FSD2: variants seen among roughly 807,000 people sequenced by gnomAD.
FSD2 encodes fibronectin type III and SPRY domain-containing protein 2.
A neutral mutation model predicts 80.4 loss-of-function variants in FSD2; 71 were observed. That is an observed-to-expected ratio of 0.88 (90% CI 0.73 to 1.08). The LOEUF is 1.08. FSD2 is among the 50% of genes least tolerant of loss of function. FSD2 has a pLI of 0.00. For synonymous variants in FSD2, 361 were observed against 329.5 expected, an observed-to-expected ratio of 1.10 and a Z score of -1.03; for missense variants, 923 against 913.8, an observed-to-expected ratio of 1.01 and a Z score of -0.13.
At chr15:82,795,271 T>C (rs11259949) in intron 1 of FSD2, among the ~76,000 whole-genome samples, 74,265 of 151,976 alleles carry the variant, frequency 0.49, 18,207 homozygotes, top group Admixed American at 0.52. Flanking sequence ...TTATGAGAAG[T>C]TTCCTAAGAA....
chr15:82,769,951 G>T (rs142759740), intron 7 of FSD2, 67 bp from the exon 8 acceptor site: 7 of 1,575,618 alleles, frequency 4.4e-6, no homozygotes, highest in Non-Finnish European at 6.1e-6. Flanking sequence ...TCATTATGCC[G>T]AATCCCACAG....
rs2050288584 is a variant in FSD2, at chr15:82,797,013, T to C, written c.-79+8953A>G. On this transcript the variant is annotated intron_variant, in intron 1 of 12. Coordinates refer to ENST00000334574, the MANE Select transcript of FSD2 (RefSeq NM_001007122.4). ...CATTGCACTGTAAGATTTCATTGCTTGGTAATTAAAAAAAAAAAAAAAAAA... is the reference window on the plus strand; with the variant it reads ...CATTGCACTGTAAGATTTCATTGCTCGGTAATTAAAAAAAAAAAAAAAAAA... Among the ~76,000 whole-genome samples, 3 of 115,820 alleles carry C rather than the reference T, an allele frequency of 2.6e-5. No individual in the cohort carries two copies. The Admixed American group carries it at 3.1e-4, about 12-fold the overall frequency. The allele number at this position is 115,820 out of a possible 152,430, so 76.0% of individuals were successfully genotyped here.
chr15:82,795,891 G>A (rs1310856656), intron 1 of FSD2, among the ~76,000 whole-genome samples: 1 of 151,742 alleles, frequency 6.6e-6, no homozygotes, highest in Non-Finnish European at 1.5e-5. Flanking sequence ...TTATGAAGAG[G>A]ACACTAAAGG....
intron 9 of FSD2, among the ~76,000 whole-genome samples, chr15:82,768,184 C>A (rs1428651002): frequency 6.6e-6 from 1 of 152,222 alleles, no homozygotes; most frequent in Non-Finnish European, 1.5e-5. Context: ...CAGCTGCAAT[C>A]TCTTTTGTTT....
intron 7 of FSD2, among the ~76,000 whole-genome samples, chr15:82,770,090 AT>A (rs1165301528): frequency 6.6e-6 from 1 of 152,262 alleles, no homozygotes; most frequent in East Asian, 1.9e-4. Flanking sequence ...GGGCTTAGCT[AT>A]GTGACTAGCT....
rs76240761 is a variant in FSD2, at chr15:82,778,919, T to C, written c.990-32A>G. 1.5e-3 allele frequency: 2,363 copies of C among 1,613,032 alleles called. 30 individuals carry two copies. In the African/African-American group the frequency reaches 0.026, roughly 18 times the overall value. On this transcript the variant is annotated intron_variant, in intron 5 of 12. Coordinates refer to ENST00000334574, the MANE Select transcript of FSD2 (RefSeq NM_001007122.4). ...GTATAAAAAGACATGCTGACTAGAATGGAGGGGCATTCTCCTTAGGGTATA... is the reference window on the plus strand; with the variant it reads ...GTATAAAAAGACATGCTGACTAGAACGGAGGGGCATTCTCCTTAGGGTATA...
chr15:82,789,775 T>C (rs2050095461), intron 1 of FSD2, among the ~76,000 whole-genome samples: 2 of 152,192 alleles, frequency 1.3e-5, no homozygotes. Flanking sequence ...TTCTGGTTGA[T>C]ACAGAACTCC....
intron 5 of FSD2, 41 bp from the exon 6 acceptor site, chr15:82,778,928 A>T (rs1596244465): frequency 6.2e-7 from 1 of 1,611,246 alleles, no homozygotes; most frequent in South Asian, 1.1e-5. Context: ...ATGGAGGGGC[A>T]TTCTCCTTAG....
chr15:82,756,392 G>C lies in FSD2; in HGVS notation c.*2956C>G, dbSNP rs1438959158. 6.6e-6 allele frequency: 1 copy of C among 152,026 alleles called. No individual in the cohort carries two copies. Among genetic ancestry groups the C allele is most frequent in the African/African-American group, 2.6e-5 (1 of 39,046 alleles). The allele number at this position is 152,026 out of a possible 1,614,324, so 9.4% of individuals were successfully genotyped here. A position where few individuals can be genotyped will look rare whatever the true frequency, so the allele number is the denominator to read the frequency against. On this transcript the variant is annotated 3_prime_UTR_variant, in exon 13 of 13. Coordinates refer to ENST00000334574, the MANE Select transcript of FSD2 (RefSeq NM_001007122.4). ...TTTAACAGATTTTGGAGGATGAGAAGTATTAAGAAGAAGGCCCCACTGTCC... is the reference window on the plus strand; with the variant it reads ...TTTAACAGATTTTGGAGGATGAGAACTATTAAGAAGAAGGCCCCACTGTCC...
At chr15:82,778,920 G>A (rs1157011496) in intron 5 of FSD2, 33 bp from the exon 6 acceptor site, 1 of 1,612,832 alleles carries the variant, frequency 6.2e-7, no homozygotes, top group Non-Finnish European at 8.5e-7. Flanking sequence ...TGACTAGAAT[G>A]GAGGGGCATT....
At chr15:82,775,164 C>T (rs1018185839) in intron 6 of FSD2, among the ~76,000 whole-genome samples, 9 of 151,148 alleles carry the variant, frequency 6.0e-5, no homozygotes, top group Non-Finnish European at 1.0e-4. Context: ...TTTGGGAGGT[C>T]GAGGCAGGTG....
At chr15:82,776,194 G>A (rs914877543) in intron 6 of FSD2, among the ~76,000 whole-genome samples, 1 of 152,188 alleles carries the variant, frequency 6.6e-6, no homozygotes, top group Non-Finnish European at 1.5e-5. Context: ...GGCTGAGGCA[G>A]GAGGATTTCT....
At chr15:82,802,335 T>C (rs1178400902) in intron 1 of FSD2, among the ~76,000 whole-genome samples, 3 of 152,172 alleles carry the variant, frequency 2.0e-5, no homozygotes, top group Admixed American at 6.5e-5. Flanking sequence ...TTCCCTCCGA[T>C]GGTTCCCAAG....
intron 1 of FSD2, among the ~76,000 whole-genome samples, chr15:82,804,377 T>A (rs561851347): frequency 2.6e-5 from 4 of 152,276 alleles, no homozygotes; most frequent in South Asian, 2.1e-4. Context: ...TTAAAAAAAA[T>A]TCCTGATTTT....
chr15:82,791,836 G>C (rs1156819078), intron 1 of FSD2, among the ~76,000 whole-genome samples: 1 of 152,144 alleles, frequency 6.6e-6, no homozygotes, highest in Non-Finnish European at 1.5e-5. Flanking sequence ...CTTATAGTAT[G>C]TGATCTTTTG....
intron 1 of FSD2, 47 bp from the exon 2 acceptor site, chr15:82,787,515 G>T: frequency 1.1e-6 from 1 of 871,094 alleles, no homozygotes; most frequent in South Asian, 2.0e-5. Context: ...GAAGGGCATT[G>T]CAGTAGATGA....
intron 1 of FSD2, among the ~76,000 whole-genome samples, chr15:82,795,342 A>C (rs1335914787): frequency 6.6e-6 from 1 of 152,168 alleles, no homozygotes; most frequent in Non-Finnish European, 1.5e-5. Flanking sequence ...TCCATATAAC[A>C]AAATGGCATT....
In FSD2 at chr15:82,782,171, G is replaced by A. The variant is rs191403370; in HGVS notation, c.966+624C>T. On this transcript the variant is annotated intron_variant, in intron 4 of 12. Coordinates refer to ENST00000334574, the MANE Select transcript of FSD2 (RefSeq NM_001007122.4). ...AGCACTTCGGGAGGCCAAGGTGGGC[G>A]GATCACGAGTTCAGGAGATCAAGAC... Among the ~76,000 whole-genome samples the A allele has an allele frequency of 3.0e-4, 46 of 150,852 alleles. No homozygotes were observed. In the East Asian group the frequency reaches 6.5e-3, roughly 21 times the overall value.
intron 1 of FSD2, among the ~76,000 whole-genome samples, chr15:82,805,562 T>C (rs1380076158): frequency 1.3e-5 from 2 of 152,232 alleles, no homozygotes; most frequent in African/African-American, 4.8e-5. Context: ...CATGAAGTTA[T>C]TATTTTTCAG....
Sources: gnomAD v4.1 joint callset for allele counts (sites outside exome capture counted in the v4.1 genomes callset) on GRCh38, gnomAD v4.1.1 for gene constraint, MANE v1.5 for transcripts, NCBI Gene and HGNC (gene_info 2026-07-23, HGNC 2026-07-21) for gene names.